PLEKHA6: variants seen among roughly 807,000 people sequenced by gnomAD.
The protein encoded by PLEKHA6 is pleckstrin homology domain containing A6.
PLEKHA6 carries 60 observed loss-of-function variants against 116.7 expected under a neutral mutation model. The ratio of observed to expected loss-of-function variants is 0.51; its 90% confidence interval spans 0.42 to 0.64. The LOEUF (loss-of-function observed/expected upper bound fraction) is 0.64. Among genes scored for constraint, PLEKHA6 ranks in the 30% least tolerant of loss-of-function variants. The pLI, the probability that PLEKHA6 is intolerant of heterozygous loss-of-function variation, is 0.00. For missense variants in PLEKHA6, 1,338 were observed against 1,422.7 expected (o/e 0.94, Z 0.96); for synonymous variants, 489 against 556.1 (o/e 0.88, Z 1.70).
At chr1:204,347,210 T>TA (rs1437825670) in intron 1 of PLEKHA6, 1 of 1,133,016 alleles carries the variant, frequency 8.8e-7, no homozygotes, top group Non-Finnish European at 1.3e-6. Context: ...CTAAAAGGCC[T>TA]AGAGAACATA....
intron 1 of PLEKHA6, chr1:204,309,075 C>T (rs1671549666): frequency 3.1e-6 from 3 of 976,188 alleles, no homozygotes; most frequent in African/African-American, 1.8e-5. Context: ...CTTTCTGTCA[C>T]TCTATTAACA....
intron 17 of PLEKHA6, among the ~76,000 whole-genome samples, chr1:204,232,994 G>A (rs1048292296): frequency 6.6e-6 from 1 of 151,734 alleles, no homozygotes; most frequent in Non-Finnish European, 1.5e-5. Context: ...ATAGAGATAG[G>A]GTCTCACTAT....
chr1:204,331,099 C>T (rs547350288), intron 1 of PLEKHA6, among the ~76,000 whole-genome samples: 1 of 150,810 alleles, frequency 6.6e-6, no homozygotes, highest in Non-Finnish European at 1.5e-5. Flanking sequence ...ACTCTGGAGG[C>T]TGAGGCAGGA....
upstream of PLEKHA6, among the ~76,000 whole-genome samples, chr1:204,363,585 C>G (rs1422647776): frequency 3.3e-5 from 5 of 152,144 alleles, no homozygotes; most frequent in Non-Finnish European, 5.9e-5. Flanking sequence ...GCCAGTTTCA[C>G]CGGCGGCGGC....
intron 1 of PLEKHA6, 53 bp downstream of exon 1, chr1:204,359,641 G>T: frequency 8.1e-6 from 8 of 985,310 alleles, no homozygotes; most frequent in Non-Finnish European, 9.6e-6. Flanking sequence ...CCTGACCAGA[G>T]CCCAGCCTTC....
At chr1:204,335,529 C>T (rs1672616646) in intron 1 of PLEKHA6, among the ~76,000 whole-genome samples, 1 of 152,054 alleles carries the variant, frequency 6.6e-6, no homozygotes, top group Non-Finnish European at 1.5e-5. Context: ...CCGCAGTGGC[C>T]GCTGCACCTC....
At chr1:204,302,969 G>C (rs971431634) in intron 1 of PLEKHA6, among the ~76,000 whole-genome samples, 2 of 152,196 alleles carry the variant, frequency 1.3e-5, no homozygotes, top group Admixed American at 6.5e-5. Flanking sequence ...GATGAAGCAC[G>C]GAGGGGTCTA....
chr1:204,369,663 C>T (rs1673737230), intron 2 of PLEKHA6: 1 of 152,244 alleles, frequency 6.6e-6, no homozygotes, highest in Non-Finnish European at 1.5e-5. Context: ...CAGCTGCCCT[C>T]GCGGCAAGCT....
intron 1 of PLEKHA6, among the ~76,000 whole-genome samples, chr1:204,313,208 T>G (rs1336291898): frequency 6.6e-6 from 1 of 151,864 alleles, no homozygotes; most frequent in African/African-American, 2.4e-5. Flanking sequence ...TGGGACCAAC[T>G]GTGCCCAGCC....
rs1024238919 is a variant in PLEKHA6, at chr1:204,259,875, C to T, written c.525-135G>A. The T allele has an allele frequency of 4.5e-6, 4 of 894,864 alleles. No homozygotes were observed. Among genetic ancestry groups the T allele is most frequent in the Non-Finnish European group, 6.6e-6 (4 of 604,378 alleles). The allele number at this position is 894,864 out of a possible 1,614,324, so 55.4% of individuals were successfully genotyped here. ...GCTGGAACCAGGATTCTATGAACTC[C>T]AGTTCTGCTTCCTAAGTCCCACCCC... On this transcript the variant is annotated intron_variant, in intron 7 of 22. Coordinates refer to ENST00000272203, the MANE Select transcript of PLEKHA6 (RefSeq NM_014935.5). This position sits in a 1 kb window ranked among gnomAD's most constrained non-coding sequence, Gnocchi z 4.6.
At chr1:204,350,704 G>A (rs572437504) in intron 1 of PLEKHA6, among the ~76,000 whole-genome samples, 29 of 152,326 alleles carry the variant, frequency 1.9e-4, no homozygotes, top group Middle Eastern at 3.4e-3. Flanking sequence ...GGAGATGGGG[G>A]CGGGGGGAGG....
chr1:204,250,487 G>T, intron 10 of PLEKHA6, 59 bp downstream of exon 10: 1 of 1,172,546 alleles, frequency 8.5e-7, no homozygotes, highest in Non-Finnish European at 1.3e-6. Flanking sequence ...ACAGCCCCCC[G>T]CAGAGGACAG....
rs374543209 is a variant in PLEKHA6 at position 204,257,732 on chromosome 1, C to G, written c.1145G>C (p.Arg382Pro). 3 of 1,613,272 alleles carry G rather than the reference C, an allele frequency of 1.9e-6. No individual in the cohort carries two copies. Among genetic ancestry groups the G allele is most frequent in the Non-Finnish European group, 2.5e-6 (3 of 1,179,698 alleles). The change falls in exon 9 of 23, where the codon CGG becomes CCG. Residue 382 changes from arginine to proline, a missense_variant. Around this residue, in one of 3 missense-constraint regions of PLEKHA6, gnomAD observed 1,136 missense variants for 1,163.6 expected, o/e 0.98. Transcript: ENST00000272203. The surrounding 1 kb of genome is among the most constrained non-coding windows in gnomAD (Gnocchi z 6.5). ...CTCCAGGGCCCAGGGCGGGCTGATCCGATCATAGGCCGGCATGGAACAGAT... is the reference window on the plus strand; with the variant it reads ...CTCCAGGGCCCAGGGCGGGCTGATCGGATCATAGGCCGGCATGGAACAGAT... ...ESICSMPAYD[R>P]ISPPWALEDK...
chr1:204,357,348 T>C (rs373158068), intron 1 of PLEKHA6, among the ~76,000 whole-genome samples: 7 of 152,298 alleles, frequency 4.6e-5, no homozygotes, highest in Admixed American at 3.3e-4. Context: ...CTGAAGGTTG[T>C]AGGTGCTGAG....
intron 8 of PLEKHA6, among the ~76,000 whole-genome samples, 197 bp from the exon 9 acceptor site, chr1:204,258,066 C>A (rs1478048769): frequency 1.3e-5 from 2 of 152,172 alleles, no homozygotes; most frequent in African/African-American, 4.8e-5. Flanking sequence ...AGGCTGGACA[C>A]TGCACCATTC....
chr1:204,360,559 G>A (rs1175407762), upstream of PLEKHA6, among the ~76,000 whole-genome samples: 1 of 152,148 alleles, frequency 6.6e-6, no homozygotes, highest in Non-Finnish European at 1.5e-5. Flanking sequence ...TCCTTCCGTT[G>A]CACATTCCTT....
At chr1:204,310,656 C>A (rs1209679786) in intron 1 of PLEKHA6, among the ~76,000 whole-genome samples, 1 of 152,234 alleles carries the variant, frequency 6.6e-6, no homozygotes, top group Non-Finnish European at 1.5e-5. Flanking sequence ...CTTGCCTTCC[C>A]TCTCAGCTCC....
intron 1 of PLEKHA6, among the ~76,000 whole-genome samples, chr1:204,327,699 T>C (rs1273572026): frequency 1.3e-5 from 2 of 152,250 alleles, no homozygotes; most frequent in Non-Finnish European, 2.9e-5. Flanking sequence ...CACAGCCACC[T>C]GGCTCTCTAG....
At chr1:204,229,129 G>T in intron 18 of PLEKHA6, 25 bp from the exon 19 acceptor site, 1 of 1,604,132 alleles carries the variant, frequency 6.2e-7, no homozygotes, top group Non-Finnish European at 8.5e-7. Context: ...CATCGTGATT[G>T]CACCATGGCT....
Sources: allele counts gnomAD v4.1 joint callset (sites outside exome capture counted in the v4.1 genomes callset), GRCh38; gene constraint gnomAD v4.1.1; regional missense constraint gnomAD v4.1.1; non-coding constraint Gnocchi (gnomAD v3.1); transcripts MANE v1.5; gene names NCBI Gene and HGNC (gene_info 2026-07-23, HGNC 2026-07-21).